The following TMEM156 variants were observed in gnomAD, a reference collection of about 807,000 sequenced individuals.
TMEM156 encodes transmembrane protein 156.
In TMEM156, 28 loss-of-function variants were observed where a neutral mutation model predicts 30.5. The observed-to-expected ratio is 0.92, with a 90% confidence interval of 0.68 to 1.26. The LOEUF is 1.26. Ranked by LOEUF, TMEM156 falls within the 50% of genes most tolerant of loss-of-function variation. The probability of loss-of-function intolerance (pLI) is 0.00; values close to 1 mark genes in which losing one functional copy is unlikely to be tolerated. For synonymous variants in TMEM156, 137 were observed against 119.9 expected, an observed-to-expected ratio of 1.14 and a Z score of -0.93; for missense variants, 351 against 340.6, an observed-to-expected ratio of 1.03 and a Z score of -0.24.
At chr4:39,011,666 C>A (rs560211780) in intron 1 of TMEM156, among the ~76,000 whole-genome samples, 220 of 152,064 alleles carry the variant, frequency 1.4e-3, no homozygotes, top group African/African-American at 5.1e-3. Context: ...CCCAGCTACC[C>A]GGGAGGCTGA....
intron 1 of TMEM156, among the ~76,000 whole-genome samples, chr4:39,028,187 C>T (rs963785019): frequency 6.6e-6 from 1 of 152,236 alleles, no homozygotes; most frequent in Non-Finnish European, 1.5e-5. Flanking sequence ...TGCACCCAGC[C>T]TCATCTGTGC....
chr4:39,004,913 T>G (rs912402284), intron 1 of TMEM156, among the ~76,000 whole-genome samples: 7 of 152,202 alleles, frequency 4.6e-5, no homozygotes, highest in African/African-American at 1.7e-4. Context: ...TATGTCCACA[T>G]GAAGACCTGT....
intron 1 of TMEM156, among the ~76,000 whole-genome samples, chr4:39,001,385 TA>T (rs1156912682): frequency 2.3e-4 from 29 of 124,590 alleles, no homozygotes; most frequent in African/African-American, 3.3e-4. Context: ...AGACTCCATC[TA>T]AAAAAAAAAG....
intron 5 of TMEM156, among the ~76,000 whole-genome samples, chr4:38,973,389 T>C (rs111525106): frequency 0.016 from 2,502 of 152,304 alleles, 26 homozygotes; most frequent in East Asian, 0.061. Flanking sequence ...TGTCACTCAG[T>C]AGCATTTTAC....
At chr4:39,007,425 TTATG>T (rs1322985981) in intron 1 of TMEM156, among the ~76,000 whole-genome samples, 1 of 151,518 alleles carries the variant, frequency 6.6e-6, no homozygotes, top group African/African-American at 2.4e-5. Flanking sequence ...TTTTATTTAT[TTATG>T]TATTTATTTA....
intron 3 of TMEM156, among the ~76,000 whole-genome samples, chr4:38,990,820 T>A (rs537194531): frequency 7.0e-6 from 1 of 143,572 alleles, no homozygotes; most frequent in East Asian, 2.1e-4. Context: ...TTTTTTTGGT[T>A]TGTTTTCTGG....
chr4:38,988,727 TG>T (rs1712190781), intron 4 of TMEM156, 123 bp downstream of exon 4: 2 of 1,286,862 alleles, frequency 1.6e-6, no homozygotes, highest in East Asian at 4.7e-5. Flanking sequence ...TTTTATTCCT[TG>T]AGTTACCAAG....
At chr4:39,011,452 G>C (rs535385747) in intron 1 of TMEM156, among the ~76,000 whole-genome samples, 1 of 151,754 alleles carries the variant, frequency 6.6e-6, no homozygotes, top group African/African-American at 2.4e-5. Context: ...GCACTCATAC[G>C]TTTATCACAG....
At chr4:38,994,867 G>A (rs1712814320) in intron 2 of TMEM156, among the ~76,000 whole-genome samples, 2 of 152,120 alleles carry the variant, frequency 1.3e-5, no homozygotes, top group African/African-American at 2.4e-5. Context: ...GAACCTGGGA[G>A]GCAGACGTTG....
intron 1 of TMEM156, 84 bp from the exon 2 acceptor site, chr4:38,998,993 T>G: frequency 7.9e-7 from 1 of 1,263,368 alleles, no homozygotes; most frequent in African/African-American, 1.5e-5. Context: ...ATGCTCCCAG[T>G]TTTTCTTAGG....
In TMEM156 at chr4:38,967,164, CAT is replaced by C. The variant is rs1019054339; in HGVS notation, c.*514_*515del. 4.6e-5 allele frequency: 7 copies of C among 152,122 alleles called. No homozygotes were observed. The highest frequency in any genetic ancestry group is 1.2e-4 in the African/African-American group (5 of 41,416). The allele number at this position is 152,122 out of a possible 1,614,324, so 9.4% of individuals were successfully genotyped here. A position where few individuals can be genotyped will look rare whatever the true frequency, so the allele number is the denominator to read the frequency against. On this transcript the variant is annotated 3_prime_UTR_variant, in exon 7 of 7. Transcript: ENST00000381938. ...AGCAAGATTCATAAATGCAAACAAA[CAT>C]ATAAATAAACAACCAGGCCCTCTTC... is the stretch of plus-strand genomic sequence containing the variant.
chr4:38,993,715 C>T (rs747411532), intron 3 of TMEM156, 23 bp downstream of exon 3: 1 of 1,601,272 alleles, frequency 6.2e-7, no homozygotes, highest in South Asian at 1.1e-5. Context: ...CTCCTTTTCC[C>T]TTTAGTTTCC....
At chr4:39,025,521 G>A (rs568947067) in intron 1 of TMEM156, among the ~76,000 whole-genome samples, 1 of 152,272 alleles carries the variant, frequency 6.6e-6, no homozygotes, top group African/African-American at 2.4e-5. Context: ...TATCTGTAGT[G>A]TCAGCCAGAT....
chr4:39,008,215 C>T (rs553111558), intron 1 of TMEM156, among the ~76,000 whole-genome samples: 3 of 152,088 alleles, frequency 2.0e-5, no homozygotes, highest in Non-Finnish European at 4.4e-5. Context: ...TTTAAGAACA[C>T]TTACAATGTA....
chr4:39,016,529 A>G (rs1263216114), intron 1 of TMEM156, among the ~76,000 whole-genome samples: 1 of 152,074 alleles, frequency 6.6e-6, no homozygotes, highest in Non-Finnish European at 1.5e-5. Context: ...CTGATGTTTT[A>G]GGTATAAGCA....
chr4:38,972,274 GAC>G (rs1395496467), intron 5 of TMEM156, among the ~76,000 whole-genome samples: 3 of 85,326 alleles, frequency 3.5e-5, no homozygotes, highest in African/African-American at 1.4e-4. Context: ...TTTTTTTTGA[GAC>G]AGAGTCTCAC....
intron 1 of TMEM156, among the ~76,000 whole-genome samples, chr4:39,029,220 A>G (rs1027565398): frequency 6.6e-6 from 1 of 152,072 alleles, no homozygotes; most frequent in African/African-American, 2.4e-5. Flanking sequence ...TGAATAATTT[A>G]TAAGTAAAAA....
chr4:38,993,735 T>A lies in TMEM156; in HGVS notation c.619+3A>T. The A allele has an allele frequency of 6.2e-7, 1 of 1,609,628 alleles. No individual in the cohort carries two copies. Among genetic ancestry groups the A allele is most frequent in the Non-Finnish European group, 8.5e-7 (1 of 1,176,444 alleles). ...TTTCCCTTTAGTTTCCTTAAAAACTTACTTTTTATATCCATCTCTAGGTGC... is the reference window on the plus strand; with the variant it reads ...TTTCCCTTTAGTTTCCTTAAAAACTAACTTTTTATATCCATCTCTAGGTGC... On this transcript the variant is annotated splice_donor_region_variant and intron_variant, in intron 3 of 6. Transcript: ENST00000381938.
chr4:38,991,376 A>T (rs1712451901), intron 3 of TMEM156, among the ~76,000 whole-genome samples: 1 of 151,460 alleles, frequency 6.6e-6, no homozygotes, highest in Admixed American at 6.6e-5. Flanking sequence ...GGTGTGCACC[A>T]CACCTAGCTT....
Sources: gnomAD v4.1 joint callset for allele counts (sites outside exome capture counted in the v4.1 genomes callset) on GRCh38, gnomAD v4.1.1 for gene constraint, MANE v1.5 for transcripts, NCBI Gene and HGNC (gene_info 2026-07-23, HGNC 2026-07-21) for gene names.